Variants in JMY observed in about 807,000 individuals in gnomAD.
JMY encodes the protein junction-mediating and -regulatory protein.
Under a neutral mutation model 103.3 loss-of-function variants are expected in JMY, and 46 were observed. That is an observed-to-expected ratio of 0.45 (90% confidence interval 0.35 to 0.57). The LOEUF (loss-of-function observed/expected upper bound fraction) is 0.57. Among genes scored for constraint, JMY ranks in the 20% least tolerant of loss-of-function variants. The pLI is 0.00. For synonymous variants in JMY, 526 were observed against 489.3 expected (o/e 1.07, Z -0.99); for missense variants, 1,238 against 1,255.2 (o/e 0.99, Z 0.21).
At chr5:79,239,676 T>C (rs1204185158) in intron 1 of JMY, among the ~76,000 whole-genome samples, 1 of 151,852 alleles carries the variant, frequency 6.6e-6, no homozygotes, top group East Asian at 2.0e-4. Flanking sequence ...CCGGGTGTGG[T>C]GGCGGGCACC....
At chr5:79,292,102 G>A (rs1746438608) in intron 4 of JMY, among the ~76,000 whole-genome samples, 1 of 151,960 alleles carries the variant, frequency 6.6e-6, no homozygotes, top group South Asian at 2.1e-4. Flanking sequence ...AGGTAAAATT[G>A]GAACTTGGCT....
intron 2 of JMY, among the ~76,000 whole-genome samples, 179 bp downstream of exon 2, chr5:79,278,262 A>T (rs1746004915): frequency 6.6e-6 from 1 of 152,112 alleles, no homozygotes; most frequent in African/African-American, 2.4e-5. Context: ...TCCATTCTAA[A>T]GCACCTCAAA....
At chr5:79,308,247 A>G (rs748078953) in intron 7 of JMY, among the ~76,000 whole-genome samples, 15 of 152,174 alleles carry the variant, frequency 9.9e-5, no homozygotes, top group African/African-American at 3.4e-4. Flanking sequence ...AGCACTTTCT[A>G]TCATGGTTCA....
intron 1 of JMY, among the ~76,000 whole-genome samples, chr5:79,244,834 T>G (rs945021600): frequency 2.1e-4 from 15 of 72,942 alleles, no homozygotes; most frequent in Non-Finnish European, 4.4e-4. Flanking sequence ...TAACTATTTG[T>G]TTTTTTTTTT....
chr5:79,250,629 T>C (rs146457609), intron 1 of JMY, among the ~76,000 whole-genome samples: 10 of 150,198 alleles, frequency 6.7e-5, no homozygotes, highest in Non-Finnish European at 1.2e-4. Flanking sequence ...GTTAGGTATT[T>C]TTTAATTTTT....
At chr5:79,280,853 GAT>G (rs1491233019) in intron 2 of JMY, among the ~76,000 whole-genome samples, 2 of 92,894 alleles carry the variant, frequency 2.2e-5, no homozygotes, top group East Asian at 5.6e-4. Context: ...TGATTCCAAA[GAT>G]TTTTTTTTTT....
chr5:79,283,116 C>CG (rs1746170661), intron 2 of JMY, among the ~76,000 whole-genome samples: 1 of 151,960 alleles, frequency 6.6e-6, no homozygotes, highest in African/African-American at 2.4e-5. Flanking sequence ...CTCAGCCTCC[C>CG]GGAGTAGCTG....
At chr5:79,316,496 A>C (rs1747225552) in intron 10 of JMY, among the ~76,000 whole-genome samples, 186 bp downstream of exon 10, 1 of 152,176 alleles carries the variant, frequency 6.6e-6, no homozygotes, top group South Asian at 2.1e-4. Context: ...ACTTAAGATA[A>C]CTTTTTAATG....
intron 1 of JMY, among the ~76,000 whole-genome samples, chr5:79,238,910 G>C (rs1744647877): frequency 6.6e-6 from 1 of 152,070 alleles, no homozygotes; most frequent in African/African-American, 2.4e-5. Flanking sequence ...TGATCCGCCC[G>C]CCTCGGCCTC....
intron 1 of JMY, among the ~76,000 whole-genome samples, chr5:79,248,369 C>T (rs997277528): frequency 4.0e-5 from 6 of 151,896 alleles, no homozygotes; most frequent in Admixed American, 1.3e-4. Flanking sequence ...TGCAGTGGCA[C>T]GATCTCGGCT....
At chr5:79,248,080 A>G (rs1744961289) in intron 1 of JMY, among the ~76,000 whole-genome samples, 1 of 151,634 alleles carries the variant, frequency 6.6e-6, no homozygotes, top group Non-Finnish European at 1.5e-5. Flanking sequence ...TTTAGTAGAG[A>G]TGGGGTTTCA....
chr5:79,317,170 G>C (rs1296708821), intron 10 of JMY, among the ~76,000 whole-genome samples: 3 of 151,844 alleles, frequency 2.0e-5, no homozygotes, highest in Non-Finnish European at 4.4e-5. Context: ...AGTTTTCTAA[G>C]ATCATTCTGG....
At chr5:79,249,577 T>C (rs1484725328) in intron 1 of JMY, among the ~76,000 whole-genome samples, 2 of 152,216 alleles carry the variant, frequency 1.3e-5, no homozygotes, top group Admixed American at 1.3e-4. Flanking sequence ...TGGTAGAAAT[T>C]ATCTTAAAGG....
rs906094561 is a variant in JMY at position 79,325,445 on chromosome 5, T to C, written c.*3843T>C. The C allele has an allele frequency of 6.6e-6, 1 of 152,184 alleles. No homozygotes were observed. The highest frequency in any genetic ancestry group is 1.5e-5 in the Non-Finnish European group (1 of 68,012). 9.4% of individuals were successfully genotyped at this position (152,184 alleles called of 1,614,324 possible). On this transcript the variant is annotated 3_prime_UTR_variant, in exon 11 of 11. Coordinates refer to ENST00000396137, the MANE Select transcript of JMY (RefSeq NM_152405.5). The stretch of plus-strand genomic sequence containing the variant: ...CCATTTGATAATGAAAGCAGAAACC[T>C]TAAGTTTTACCTAATTATTGCACTA...
chr5:79,300,013 A>G (rs1746684396), intron 4 of JMY, 140 bp from the exon 5 acceptor site: 2 of 507,594 alleles, frequency 3.9e-6, no homozygotes, highest in Non-Finnish European at 6.8e-6. Flanking sequence ...TTTAAAGTCT[A>G]GATTCCATGC....
intron 1 of JMY, among the ~76,000 whole-genome samples, chr5:79,277,056 T>C (rs1330823055): frequency 1.3e-4 from 20 of 152,200 alleles, no homozygotes; most frequent in Non-Finnish European, 4.4e-5. Flanking sequence ...TATAAAACTT[T>C]TATTTATAAT....
At chr5:79,246,071 G>A (rs1315412377) in intron 1 of JMY, among the ~76,000 whole-genome samples, 1 of 152,146 alleles carries the variant, frequency 6.6e-6, no homozygotes, top group Non-Finnish European at 1.5e-5. Context: ...GTTTCATTTT[G>A]TGTGTGTTTA....
chr5:79,316,357 A>T, intron 10 of JMY, 47 bp downstream of exon 10: 1 of 1,402,306 alleles, frequency 7.1e-7, no homozygotes, highest in Non-Finnish European at 9.8e-7. Context: ...TACAGGTTTT[A>T]TATCGGATGA....
At chr5:79,302,050 TCCAGC>T (rs1455204352) in intron 6 of JMY, among the ~76,000 whole-genome samples, 31 of 128,496 alleles carry the variant, frequency 2.4e-4, no homozygotes, top group Admixed American at 9.6e-4. Context: ...ACCATTGCAC[TCCAGC>T]CTGGACAACA....
Sources: allele counts gnomAD v4.1 joint callset (sites outside exome capture counted in the v4.1 genomes callset), GRCh38; gene constraint gnomAD v4.1.1; transcripts MANE v1.5; gene names NCBI Gene and HGNC (gene_info 2026-07-23, HGNC 2026-07-21).